Variants in TMEM182 observed in about 807,000 individuals in gnomAD.
TMEM182 encodes transmembrane protein 182.
TMEM182 carries 20 observed loss-of-function variants against 26.8 expected under a neutral mutation model. The ratio of observed to expected loss-of-function variants is 0.75; its 90% confidence interval spans 0.53 to 1.09. TMEM182 has a LOEUF of 1.09. Ranked by LOEUF, TMEM182 falls within the 50% of genes least tolerant of loss-of-function variation. The pLI, the probability that TMEM182 is intolerant of heterozygous loss-of-function variation, is 0.00. For missense variants in TMEM182, 277 were observed against 275.5 expected, an observed-to-expected ratio of 1.01 and a Z score of -0.04; for synonymous variants, 109 against 102.2, an observed-to-expected ratio of 1.07 and a Z score of -0.40.
chr2:102,769,717 T>C (rs761510919), intron 3 of TMEM182, among the ~76,000 whole-genome samples: 9 of 152,234 alleles, frequency 5.9e-5, no homozygotes, highest in Non-Finnish European at 1.2e-4. Flanking sequence ...GAAGTATGAA[T>C]AGTGACTCAA....
chr2:102,806,427 G>T (rs1319267120), intron 4 of TMEM182, among the ~76,000 whole-genome samples: 1 of 152,120 alleles, frequency 6.6e-6, no homozygotes, highest in Non-Finnish European at 1.5e-5. Context: ...ATGGGACTGT[G>T]GGGTGACTGG....
At chr2:102,778,863 A>G (rs1480484312) in intron 3 of TMEM182, among the ~76,000 whole-genome samples, 2 of 152,130 alleles carry the variant, frequency 1.3e-5, no homozygotes, top group African/African-American at 4.8e-5. Flanking sequence ...TGCTTCAATC[A>G]TCAAACATTG....
intron 1 of TMEM182, among the ~76,000 whole-genome samples, chr2:102,749,116 T>C (rs1279675908): frequency 6.6e-6 from 1 of 152,186 alleles, no homozygotes. Flanking sequence ...CTTATCTCAC[T>C]TTGGTTTACA....
At chr2:102,774,568 T>G (rs999023345) in intron 3 of TMEM182, among the ~76,000 whole-genome samples, 9 of 152,110 alleles carry the variant, frequency 5.9e-5, no homozygotes, top group Non-Finnish European at 1.3e-4. Context: ...TACAGATTTT[T>G]CTCCCACATT....
chr2:102,779,489 A>G (rs1281929848), intron 3 of TMEM182, among the ~76,000 whole-genome samples: 6 of 152,042 alleles, frequency 3.9e-5, no homozygotes, highest in Non-Finnish European at 8.8e-5. Flanking sequence ...AATTCTACAG[A>G]TCTGTCAGTT....
intron 4 of TMEM182, among the ~76,000 whole-genome samples, chr2:102,812,831 G>T (rs1243877956): frequency 6.6e-6 from 1 of 152,170 alleles, no homozygotes; most frequent in Non-Finnish European, 1.5e-5. Context: ...TTTGCATAAG[G>T]CAAATGATAT....
rs555794144 is a variant in TMEM182 at position 102,815,902 on chromosome 2, A to G, written c.*934A>G. The G allele has an allele frequency of 6.3e-6, 6 of 949,696 alleles. No individual in the cohort carries two copies. The highest frequency in any genetic ancestry group is 4.9e-5 in the South Asian group (1 of 20,360). The allele number at this position is 949,696 out of a possible 1,614,324, so 58.8% of individuals were successfully genotyped here. Reference sequence around the variant, plus strand: ...AACGTACTTCCATATGAGGATTATAATAGCCCTGCTTTATTAAAGACCATA... The same window carrying G: ...AACGTACTTCCATATGAGGATTATAGTAGCCCTGCTTTATTAAAGACCATA... On this transcript the variant is annotated 3_prime_UTR_variant, in exon 5 of 5. Transcript: ENST00000412401.
At chr2:102,839,998 G>T (rs1161274492) in intron 3 of TMEM182, among the ~76,000 whole-genome samples, 2 of 152,204 alleles carry the variant, frequency 1.3e-5, no homozygotes, top group South Asian at 2.1e-4. Context: ...CAGCAACAAA[G>T]CATGGGATTT....
chr2:102,758,938 T>C (rs757095794), upstream of TMEM182, among the ~76,000 whole-genome samples: 1 of 152,218 alleles, frequency 6.6e-6, no homozygotes. Context: ...TGGTCTTTCA[T>C]GGCATTTATC....
intron 1 of TMEM182, among the ~76,000 whole-genome samples, chr2:102,752,247 C>T (rs1679894245): frequency 6.6e-6 from 1 of 152,210 alleles, no homozygotes; most frequent in Non-Finnish European, 1.5e-5. Flanking sequence ...AAAGAGCTGA[C>T]AAACCTCAAG....
At chr2:102,822,602 A>G (rs971690666), downstream of TMEM182, among the ~76,000 whole-genome samples, 1 of 152,152 alleles carries the variant, frequency 6.6e-6, no homozygotes, top group Non-Finnish European at 1.5e-5. Context: ...TTGTTGTGCA[A>G]CTTCTAAAAG....
chr2:102,742,627 A>T (rs1679577162), intron 1 of TMEM182, among the ~76,000 whole-genome samples: 1 of 152,244 alleles, frequency 6.6e-6, no homozygotes, highest in African/African-American at 2.4e-5. Context: ...GGTATAGCAT[A>T]TCCAAAACAC....
chr2:102,780,545 A>G (rs1366947626), intron 3 of TMEM182, among the ~76,000 whole-genome samples: 1 of 152,142 alleles, frequency 6.6e-6, no homozygotes, highest in East Asian at 1.9e-4. Context: ...GCCTCCTATG[A>G]CACCACTCTA....
chr2:102,839,041 G>T (rs1249671893), intron 3 of TMEM182, among the ~76,000 whole-genome samples: 2 of 152,194 alleles, frequency 1.3e-5, no homozygotes, highest in African/African-American at 2.4e-5. Flanking sequence ...AATTGTGCTT[G>T]TGTGTTTGTT....
chr2:102,816,467 G>A lies in TMEM182; in HGVS notation c.*1499G>A. On this transcript the variant is annotated 3_prime_UTR_variant, in exon 5 of 5. Transcript: ENST00000412401. ...AGTGGGAAGGAGCTTTGGAAAAATT[G>A]CAAAGGTCTGAATCTTCAGGGCATT... The A allele has an allele frequency of 1.0e-6, 1 of 984,472 alleles. No individual in the cohort carries two copies. The highest frequency in any genetic ancestry group is 1.2e-6 in the Non-Finnish European group (1 of 829,792). 61.0% of individuals were successfully genotyped at this position (984,472 alleles called of 1,614,324 possible). A position where few individuals can be genotyped will look rare whatever the true frequency, so the allele number is the denominator to read the frequency against.
At chr2:102,778,734 C>G (rs1221898785) in intron 3 of TMEM182, among the ~76,000 whole-genome samples, 1 of 151,988 alleles carries the variant, frequency 6.6e-6, no homozygotes, top group Admixed American at 6.6e-5. Context: ...TTGACATTTA[C>G]CAATGTAAGT....
intron 3 of TMEM182, among the ~76,000 whole-genome samples, chr2:102,827,719 C>A (rs1683062069): frequency 6.6e-6 from 1 of 152,216 alleles, no homozygotes; most frequent in Admixed American, 6.5e-5. Context: ...GCCTTCATTA[C>A]CCTACACCAG....
At chr2:102,803,802 C>T (rs1199402645) in intron 4 of TMEM182, among the ~76,000 whole-genome samples, 4 of 152,210 alleles carry the variant, frequency 2.6e-5, no homozygotes, top group East Asian at 1.9e-4. Flanking sequence ...AAGAGCAGGA[C>T]GGCTTAGGAA....
chr2:102,745,747 T>C (rs1679675881), intron 1 of TMEM182, among the ~76,000 whole-genome samples: 1 of 152,196 alleles, frequency 6.6e-6, no homozygotes, highest in Non-Finnish European at 1.5e-5. Flanking sequence ...GATATTACTT[T>C]GTGACTGGGT....
Sources: allele counts gnomAD v4.1 joint callset (sites outside exome capture counted in the v4.1 genomes callset), GRCh38; gene constraint gnomAD v4.1.1; transcripts MANE v1.5; gene names NCBI Gene and HGNC (gene_info 2026-07-23, HGNC 2026-07-21).